NGF: variants seen among roughly 807,000 people sequenced by gnomAD.
NGF encodes the protein beta-nerve growth factor.
Under a neutral mutation model 12.8 loss-of-function variants are expected in NGF, and 4 were observed. That is an observed-to-expected ratio of 0.31 (90% CI 0.15 to 0.72). NGF has a LOEUF of 0.72. Ranked by LOEUF, NGF falls within the 30% of genes least tolerant of loss-of-function variation. NGF has a pLI of 0.69. For missense variants in NGF, 283 were observed against 330.8 expected (o/e 0.86, Z 1.12); for synonymous variants, 140 against 130.0 (o/e 1.08, Z -0.52).
intron 1 of NGF, among the ~76,000 whole-genome samples, chr1:115,329,047 G>A (rs545489136): frequency 4.2e-4 from 64 of 151,774 alleles, no homozygotes; most frequent in Non-Finnish European, 8.2e-4. Context: ...AGAGGGAAGA[G>A]GAAGAGGTAG....
At chr1:115,302,292 T>C (rs1473013283) in intron 1 of NGF, among the ~76,000 whole-genome samples, 1 of 152,216 alleles carries the variant, frequency 6.6e-6, no homozygotes, top group Admixed American at 6.5e-5. Flanking sequence ...ACAGAGGAAC[T>C]AAGAATCTAA....
At chr1:115,334,532 C>CA in intron 1 of NGF, among the ~76,000 whole-genome samples, 1 of 152,138 alleles carries the variant, frequency 6.6e-6, no homozygotes, top group African/African-American at 2.4e-5. Context: ...GAGGTCCCTG[C>CA]CGATGGTGGC....
chr1:115,290,185 C>T (rs1653639461), intron 2 of NGF, among the ~76,000 whole-genome samples: 1 of 152,026 alleles, frequency 6.6e-6, no homozygotes, highest in South Asian at 2.1e-4. Context: ...CACAAAACTC[C>T]TGGGGGCAGT....
At chr1:115,308,598 G>A (rs1654262671) in intron 1 of NGF, among the ~76,000 whole-genome samples, 1 of 152,210 alleles carries the variant, frequency 6.6e-6, no homozygotes, top group African/African-American at 2.4e-5. Flanking sequence ...TCTCTGTCAT[G>A]AGCAGTGTTC....
At chr1:115,337,402 A>T (rs1171552244) in intron 1 of NGF, among the ~76,000 whole-genome samples, 1 of 148,028 alleles carries the variant, frequency 6.8e-6, no homozygotes, top group Non-Finnish European at 1.5e-5. Flanking sequence ...CCTCCCCTAG[A>T]TCCTCCTCGC....
intron 1 of NGF, among the ~76,000 whole-genome samples, chr1:115,325,283 G>C (rs1381008483): frequency 6.6e-6 from 1 of 152,168 alleles, no homozygotes; most frequent in African/African-American, 2.4e-5. Context: ...CGATTAAGAT[G>C]CTGGAGACAG....
intron 1 of NGF, among the ~76,000 whole-genome samples, chr1:115,301,074 T>C: frequency 6.6e-6 from 1 of 152,210 alleles, no homozygotes; most frequent in East Asian, 1.9e-4. Context: ...TATAATTATA[T>C]TTCAGAATAT....
At chr1:115,337,312 A>C (rs1193207964) in intron 1 of NGF, among the ~76,000 whole-genome samples, 1 of 64,758 alleles carries the variant, frequency 1.5e-5, no homozygotes, top group Non-Finnish European at 2.8e-5. Context: ...TTTTAGAAGG[A>C]GGTTTGTAAT....
chr1:115,322,648 TAA>T, intron 1 of NGF, among the ~76,000 whole-genome samples: 1 of 152,338 alleles, frequency 6.6e-6, no homozygotes, highest in East Asian at 1.9e-4. Flanking sequence ...ACAACAACTC[TAA>T]AGTTTTTGAG....
intron 1 of NGF, among the ~76,000 whole-genome samples, chr1:115,337,749 C>T (rs1655174788): frequency 1.3e-5 from 2 of 152,304 alleles, no homozygotes; most frequent in Admixed American, 1.3e-4. Context: ...CGGCGCTCAC[C>T]TCAGCCAGCG....
intron 1 of NGF, among the ~76,000 whole-genome samples, chr1:115,315,608 A>G (rs1375480553): frequency 6.6e-6 from 1 of 152,206 alleles, no homozygotes; most frequent in Non-Finnish European, 1.5e-5. Flanking sequence ...TGAGATACCT[A>G]TATACTGAGA....
intron 1 of NGF, among the ~76,000 whole-genome samples, chr1:115,296,316 G>C (rs1653868802): frequency 6.6e-6 from 1 of 152,120 alleles, no homozygotes; most frequent in Admixed American, 6.5e-5. Flanking sequence ...CTTCCTATAG[G>C]ACACAAAAAG....
chr1:115,337,285 T>TTTTTTTTTTTTTTTTTTTTTTTTTTTTG (rs1557950885), intron 1 of NGF, among the ~76,000 whole-genome samples: 1 of 131,194 alleles, frequency 7.6e-6, no homozygotes. Context: ...TTTTTTTTTT[T>TTTTTTTTTTTTTTTTTTTTTTTTTTTTG]TTTTTTTTTT....
chr1:115,307,154 T>G (rs116751728), intron 1 of NGF, among the ~76,000 whole-genome samples: 1 of 152,180 alleles, frequency 6.6e-6, no homozygotes, highest in Non-Finnish European at 1.5e-5. Context: ...TGGAACAAAC[T>G]AAGTGAGCTG....
At chr1:115,319,158 TCTGGAG>T (rs1262465210) in intron 1 of NGF, among the ~76,000 whole-genome samples, 1 of 152,218 alleles carries the variant, frequency 6.6e-6, no homozygotes, top group African/African-American at 2.4e-5. Context: ...CTCACTCCCT[TCTGGAG>T]CTGAGAGATG....
At chr1:115,288,232 C>T (rs80097793) in intron 2 of NGF, among the ~76,000 whole-genome samples, 4 of 152,132 alleles carry the variant, frequency 2.6e-5, no homozygotes, top group East Asian at 1.9e-4. Flanking sequence ...TGTGTGTTCT[C>T]TCCTACTAAA....
chr1:115,328,733 C>A (rs11102925), intron 1 of NGF, among the ~76,000 whole-genome samples: 43,905 of 152,034 alleles, frequency 0.29, 6,884 homozygotes, highest in East Asian at 0.6. Flanking sequence ...AGGACCAAAG[C>A]GTTTACCCCA....
chr1:115,305,074 G>T (rs1654161962), intron 1 of NGF, among the ~76,000 whole-genome samples: 1 of 152,150 alleles, frequency 6.6e-6, no homozygotes, highest in Non-Finnish European at 1.5e-5. Flanking sequence ...TTTTATGTAT[G>T]AAATTAAATG....
At chr1:115,329,954 C>T (rs1654872526) in intron 1 of NGF, among the ~76,000 whole-genome samples, 1 of 152,006 alleles carries the variant, frequency 6.6e-6, no homozygotes, top group Non-Finnish European at 1.5e-5. Flanking sequence ...TGGGGTCTCA[C>T]TTTGTTGCTC....
Sources: gnomAD v4.1 joint callset for allele counts (sites outside exome capture counted in the v4.1 genomes callset) on GRCh38, gnomAD v4.1.1 for gene constraint, MANE v1.5 for transcripts, NCBI Gene and HGNC (gene_info 2026-07-23, HGNC 2026-07-21) for gene names.